Variants in PSMA6 observed in about 807,000 individuals in gnomAD.
PSMA6 encodes proteasome 20S subunit alpha 6.
For synonymous variants in PSMA6, 88 were observed against 97.7 expected (o/e 0.90, Z 0.59); for missense variants, 170 against 294.8 (o/e 0.58, Z 3.10).
chr14:35,281,443 A>G (rs1296104734), intron 1 of PSMA6, among the ~76,000 whole-genome samples: 1 of 152,198 alleles, frequency 6.6e-6, no homozygotes, highest in African/African-American at 2.4e-5. Flanking sequence ...TCTCAAACTT[A>G]ATAGGCATAG....
intron 1 of PSMA6, among the ~76,000 whole-genome samples, chr14:35,286,812 C>A (rs1419428953): frequency 6.6e-6 from 1 of 151,984 alleles, no homozygotes; most frequent in Non-Finnish European, 1.5e-5. Context: ...TTCTATGTTG[C>A]TAAACACTGT....
At chr14:35,295,696 C>A (rs1376125408) in intron 1 of PSMA6, among the ~76,000 whole-genome samples, 1 of 152,154 alleles carries the variant, frequency 6.6e-6, no homozygotes, top group Non-Finnish European at 1.5e-5. Context: ...AGGTGATCCA[C>A]CCACCTCGGC....
intron 1 of PSMA6, among the ~76,000 whole-genome samples, chr14:35,298,517 A>T (rs2138725309): frequency 6.6e-6 from 1 of 151,934 alleles, no homozygotes; most frequent in East Asian, 1.9e-4. Flanking sequence ...AGGAAAAGGA[A>T]CTATGACTTA....
chr14:35,287,454 C>T (rs183655614), upstream of PSMA6, among the ~76,000 whole-genome samples: 26 of 152,234 alleles, frequency 1.7e-4, no homozygotes, highest in African/African-American at 1.7e-4. Flanking sequence ...CTGAAACTGC[C>T]GGCAGAGCAC....
At position 35,292,987 on chromosome 14, in the gene PSMA6, C is replaced by G. The variant is rs1304358149; in HGVS notation, c.76+435C>G. On this transcript the variant is annotated intron_variant, in intron 1 of 6. Transcript: ENST00000261479. Reference sequence around the variant, plus strand: ...CTGTGGTTAATTCCACACAGGCACTCGAAGCCTGCTATATACCAGACACTG... The same window carrying G: ...CTGTGGTTAATTCCACACAGGCACTGGAAGCCTGCTATATACCAGACACTG... The G allele has an allele frequency of 8.7e-6, 4 of 459,628 alleles. No individual in the cohort carries two copies. In the East Asian group the frequency reaches 2.1e-4, roughly 24 times the overall value. 28.5% of individuals were successfully genotyped at this position (459,628 alleles called of 1,614,324 possible). A position where few individuals can be genotyped will look rare whatever the true frequency, so the allele number is the denominator to read the frequency against.
intron 1 of PSMA6, among the ~76,000 whole-genome samples, chr14:35,303,440 G>T (rs1457008085): frequency 6.6e-6 from 1 of 152,058 alleles, no homozygotes; most frequent in Non-Finnish European, 1.5e-5. Context: ...TAGTTCTTCA[G>T]GCCAAAAAGA....
At chr14:35,307,503 G>A (rs938264923) in intron 1 of PSMA6, among the ~76,000 whole-genome samples, 1 of 152,190 alleles carries the variant, frequency 6.6e-6, no homozygotes, top group Non-Finnish European at 1.5e-5. Context: ...GGATGCCAAG[G>A]CAGGTGGATC....
chr14:35,285,438 A>G (rs1240144052), intron 1 of PSMA6, among the ~76,000 whole-genome samples: 3 of 152,156 alleles, frequency 2.0e-5, no homozygotes, highest in Non-Finnish European at 2.9e-5. Flanking sequence ...GTGACTGAAA[A>G]TATTGGTCAA....
chr14:35,285,725 G>C (rs2051415706), intron 1 of PSMA6, among the ~76,000 whole-genome samples: 1 of 152,244 alleles, frequency 6.6e-6, no homozygotes, highest in African/African-American at 2.4e-5. Context: ...AGCTGAGGGT[G>C]GGGGTGGGGA....
chr14:35,291,823 CA>C (rs113987343), upstream of PSMA6, among the ~76,000 whole-genome samples: 6,128 of 47,824 alleles, frequency 0.13, 124 homozygotes, highest in Admixed American at 0.19. Flanking sequence ...AACTCTGTCT[CA>C]AAAAAAAAAA....
intron 1 of PSMA6, among the ~76,000 whole-genome samples, chr14:35,278,885 AGTT>A (rs1003797555): frequency 1.7e-4 from 26 of 151,888 alleles, no homozygotes; most frequent in Non-Finnish European, 2.2e-4. Flanking sequence ...ATTGCTATTA[AGTT>A]GTTGTACGTA....
At chr14:35,310,595 A>T in intron 3 of PSMA6, 145 bp from the exon 4 acceptor site, 1 of 740,438 alleles carries the variant, frequency 1.4e-6, no homozygotes, top group Non-Finnish European at 2.2e-6. Context: ...TTTAGTATTC[A>T]TTGGGGGAGA....
chr14:35,289,763 T>A (rs552845608), upstream of PSMA6, among the ~76,000 whole-genome samples: 18 of 151,784 alleles, frequency 1.2e-4, no homozygotes, highest in South Asian at 4.2e-4. Flanking sequence ...CTAAAAAAAA[T>A]TTTTTTTAAA....
At chr14:35,316,070 C>T (rs978626322) in intron 6 of PSMA6, 3 of 152,222 alleles carry the variant, frequency 2.0e-5, no homozygotes, top group South Asian at 2.1e-4. Flanking sequence ...TGCTTCCTTT[C>T]GAGGCAAACA....
At chr14:35,287,294 T>C (rs150729099) in intron 1 of PSMA6, among the ~76,000 whole-genome samples, 1 of 152,314 alleles carries the variant, frequency 6.6e-6, no homozygotes, top group East Asian at 1.9e-4. Flanking sequence ...TCTGTCCTTA[T>C]TACAGCTGTC....
At chr14:35,308,684 T>G in intron 2 of PSMA6, 1 of 430,912 alleles carries the variant, frequency 2.3e-6, no homozygotes, top group South Asian at 2.9e-5. Flanking sequence ...AAGCTATTGC[T>G]TGTCCACAGG....
intron 1 of PSMA6, among the ~76,000 whole-genome samples, chr14:35,299,327 CTT>C (rs71445906): frequency 4.5e-5 from 3 of 66,004 alleles, no homozygotes; most frequent in African/African-American, 5.8e-5. Flanking sequence ...TGCCCAGCCT[CTT>C]TTTTTTTTTT....
intron 1 of PSMA6, among the ~76,000 whole-genome samples, chr14:35,294,232 G>T (rs28595436): frequency 0.15 from 23,046 of 151,960 alleles, 3,308 homozygotes; most frequent in African/African-American, 0.37. Flanking sequence ...TAGAGACGAG[G>T]TTTCTCCATG....
intron 1 of PSMA6, among the ~76,000 whole-genome samples, chr14:35,281,519 A>G (rs988862322): frequency 6.6e-6 from 1 of 152,218 alleles, no homozygotes; most frequent in African/African-American, 2.4e-5. Flanking sequence ...CGTGATGCCA[A>G]TGCTGCAGAC....
Sources: gnomAD v4.1 joint callset for allele counts (sites outside exome capture counted in the v4.1 genomes callset) on GRCh38, gnomAD v4.1.1 for gene constraint, MANE v1.5 for transcripts, NCBI Gene and HGNC (gene_info 2026-07-23, HGNC 2026-07-21) for gene names.